The following ADGRL3 variants were observed in gnomAD, a reference collection of about 807,000 sequenced individuals.
ADGRL3 encodes calcium-independent alpha-latrotoxin receptor 3.
In ADGRL3, 62 loss-of-function variants were observed where a neutral mutation model predicts 153.5. The observed-to-expected ratio is 0.40, with a 90% confidence interval of 0.33 to 0.50. ADGRL3 has a LOEUF of 0.50. Ranked by LOEUF, ADGRL3 falls within the 20% of genes least tolerant of loss-of-function variation. The pLI is 0.47. For synonymous variants in ADGRL3, 710 were observed against 672.5 expected, an observed-to-expected ratio of 1.06 and a Z score of -0.86; for missense variants, 1,641 against 1,859.4, an observed-to-expected ratio of 0.88 and a Z score of 2.16.
At chr4:61,444,874 G>A (rs770660011) in intron 2 of ADGRL3, among the ~76,000 whole-genome samples, 10 of 152,090 alleles carry the variant, frequency 6.6e-5, no homozygotes, top group South Asian at 4.1e-4. Context: ...GCAACATGGC[G>A]AAACCTTGTC....
rs537211902 is a variant in ADGRL3, at chr4:61,626,919, G to A, written c.473+39479G>A. The stretch of plus-strand genomic sequence containing the variant: ...TGTAGTTTCTTTTGAGTTCCTCTCC[G>A]TATTTTAAATTAAATGTCTGTCATT... On this transcript the variant is annotated intron_variant, in intron 5 of 26. Coordinates refer to ENST00000683033, the MANE Select transcript of ADGRL3 (RefSeq NM_001387552.1). Among the ~76,000 whole-genome samples, 9 of 152,032 alleles carry A rather than the reference G, an allele frequency of 5.9e-5. No homozygotes were observed. The South Asian group carries it at 8.3e-4, about 14-fold the overall frequency.
intron 4 of ADGRL3, among the ~76,000 whole-genome samples, chr4:61,581,851 T>C (rs1430037671): frequency 1.3e-5 from 2 of 152,106 alleles, no homozygotes; most frequent in East Asian, 3.9e-4. Flanking sequence ...TAATTTTTTG[T>C]TCCTAAACGT....
At chr4:61,482,647 T>G (rs2098143069) in intron 2 of ADGRL3, among the ~76,000 whole-genome samples, 1 of 152,156 alleles carries the variant, frequency 6.6e-6, no homozygotes, top group African/African-American at 2.4e-5. Context: ...AAAGGCTTTT[T>G]GCAGGGATCA....
At chr4:61,422,707 A>G (rs1046592558) in intron 2 of ADGRL3, among the ~76,000 whole-genome samples, 4 of 152,088 alleles carry the variant, frequency 2.6e-5, no homozygotes, top group African/African-American at 4.8e-5. Flanking sequence ...TATCTGTTCT[A>G]TGAATGAATA....
chr4:61,347,618 A>G (rs540492168), intron 1 of ADGRL3, among the ~76,000 whole-genome samples: 50 of 152,240 alleles, frequency 3.3e-4, no homozygotes, highest in South Asian at 1.0e-3. Flanking sequence ...GAAAGGGTCT[A>G]TCACAGTGCT....
intron 2 of ADGRL3, among the ~76,000 whole-genome samples, chr4:61,392,699 A>AG (rs2096825608): frequency 6.8e-6 from 1 of 146,260 alleles, no homozygotes; most frequent in African/African-American, 2.5e-5. Flanking sequence ...AAAAAAAAAA[A>AG]AAAAAAAGAA....
chr4:61,401,726 GACTAAT>G (rs2096932175), intron 2 of ADGRL3, among the ~76,000 whole-genome samples: 2 of 152,016 alleles, frequency 1.3e-5, no homozygotes, highest in Admixed American at 1.3e-4. Context: ...ATGCTAGTAA[GACTAAT>G]ACTTCTCCCA....
intron 17 of ADGRL3, among the ~76,000 whole-genome samples, chr4:61,966,929 T>G (rs2099009032): frequency 6.6e-6 from 1 of 151,910 alleles, no homozygotes; most frequent in Non-Finnish European, 1.5e-5. Flanking sequence ...TTTGTGGACC[T>G]TCCCACTGTT....
intron 1 of ADGRL3, among the ~76,000 whole-genome samples, chr4:61,204,063 T>C (rs1736043711): frequency 6.6e-6 from 1 of 152,212 alleles, no homozygotes; most frequent in Admixed American, 6.5e-5. Context: ...TCTGACTGCT[T>C]TGGTGTTTGT....
intron 2 of ADGRL3, among the ~76,000 whole-genome samples, chr4:61,429,319 A>C (rs535138718): frequency 6.6e-6 from 1 of 152,278 alleles, no homozygotes; most frequent in East Asian, 1.9e-4. Flanking sequence ...TCATTGCACC[A>C]TGTTGCCTAC....
intron 2 of ADGRL3, among the ~76,000 whole-genome samples, chr4:61,398,556 T>G (rs1030028163): frequency 6.6e-6 from 1 of 151,824 alleles, no homozygotes; most frequent in African/African-American, 2.4e-5. Flanking sequence ...TAACCTGATG[T>G]ATTACTTGGT....
At chr4:61,662,300 A>C (rs2094621997) in intron 5 of ADGRL3, among the ~76,000 whole-genome samples, 1 of 152,210 alleles carries the variant, frequency 6.6e-6, no homozygotes, top group South Asian at 2.1e-4. Flanking sequence ...TTGTGGACCC[A>C]GGCATTACTG....
intron 1 of ADGRL3, among the ~76,000 whole-genome samples, chr4:61,304,200 T>C (rs1029110784): frequency 1.3e-5 from 2 of 152,336 alleles, no homozygotes; most frequent in South Asian, 2.1e-4. Context: ...ATTGTGTGGA[T>C]TGGTTTTCCC....
chr4:61,831,594 G>A (rs2097870262), intron 9 of ADGRL3, among the ~76,000 whole-genome samples: 1 of 152,090 alleles, frequency 6.6e-6, no homozygotes, highest in Admixed American at 6.6e-5. Flanking sequence ...GACAGCCTCT[G>A]AGATTTACTC....
intron 5 of ADGRL3, among the ~76,000 whole-genome samples, chr4:61,593,744 C>T (rs985776997): frequency 2.6e-5 from 4 of 151,968 alleles, no homozygotes; most frequent in African/African-American, 9.7e-5. Context: ...CTTCTTTATC[C>T]TTGACCTTTG....
chr4:61,436,549 G>A (rs185961831), intron 2 of ADGRL3, among the ~76,000 whole-genome samples: 20 of 152,260 alleles, frequency 1.3e-4, no homozygotes. Flanking sequence ...ATGTGAACAA[G>A]GAGCATTGCT....
intron 5 of ADGRL3, among the ~76,000 whole-genome samples, chr4:61,650,481 C>T (rs191315274): frequency 3.3e-5 from 5 of 152,104 alleles, no homozygotes; most frequent in South Asian, 2.1e-4. Flanking sequence ...CCATATTTTT[C>T]GTAATGACAT....
rs1021032903 is a variant in ADGRL3, at chr4:61,455,773, A to G, written c.-173-41348A>G. On this transcript the variant is annotated intron_variant, in intron 2 of 26. Coordinates refer to ENST00000683033, the MANE Select transcript of ADGRL3 (RefSeq NM_001387552.1). ...TGTATTCTATTCCTTACCTGATTCTAAAGTAAGAATAAATGTTCTCAGAGA... is the reference window on the plus strand; with the variant it reads ...TGTATTCTATTCCTTACCTGATTCTGAAGTAAGAATAAATGTTCTCAGAGA... Among the ~76,000 whole-genome samples the G allele has an allele frequency of 2.6e-5, 4 of 152,120 alleles. No individual in the cohort carries two copies. The South Asian group carries it at 8.3e-4, about 32-fold the overall frequency.
intron 2 of ADGRL3, among the ~76,000 whole-genome samples, chr4:61,483,464 G>A (rs111277701): frequency 1.1e-3 from 171 of 152,234 alleles, no homozygotes; most frequent in African/African-American, 3.9e-3. Flanking sequence ...AAGGCCTGGC[G>A]CAGTGGCTCA....
Sources: allele counts gnomAD v4.1 joint callset (sites outside exome capture counted in the v4.1 genomes callset), GRCh38; gene constraint gnomAD v4.1.1; transcripts MANE v1.5; gene names NCBI Gene and HGNC (gene_info 2026-07-23, HGNC 2026-07-21).